Variants in VPS45 observed in about 807,000 individuals in gnomAD.
The protein encoded by VPS45 is vacuolar protein sorting-associated protein 45.
Under a neutral mutation model 75.9 loss-of-function variants are expected in VPS45, and 35 were observed. That is an observed-to-expected ratio of 0.46 (90% CI 0.35 to 0.61). The LOEUF is 0.61. Ranked by LOEUF, VPS45 falls within the 20% of genes least tolerant of loss-of-function variation. VPS45 has a pLI of 0.00. For synonymous variants in VPS45, 220 were observed against 238.2 expected (o/e 0.92, Z 0.70); for missense variants, 559 against 685.9 (o/e 0.81, Z 2.07).
chr1:150,068,937 A>G, intron 2 of VPS45, 173 bp downstream of exon 2: 1 of 660,312 alleles, frequency 1.5e-6, no homozygotes, highest in Non-Finnish European at 2.3e-6. Context: ...ATTTCAGTTG[A>G]CCCCTTACAG....
Position 150,076,226 on chromosome 1 carries a change from G to T in VPS45, c.290-7G>T, listed in dbSNP as rs184114645. Reference sequence around the variant, plus strand: ...CCTTTGAGTCAACCCCAACTCATGTGTTTCAGATTTCAGTAATGTGATCAG... The same window carrying T: ...CCTTTGAGTCAACCCCAACTCATGTTTTTCAGATTTCAGTAATGTGATCAG... On this transcript the variant is annotated splice_region_variant and splice_polypyrimidine_tract_variant and intron_variant, in intron 3 of 14. Coordinates refer to ENST00000644510, the MANE Select transcript of VPS45 (RefSeq NM_007259.5). 1 of 1,597,884 alleles carries T rather than the reference G, an allele frequency of 6.3e-7. No individual in the cohort carries two copies. The highest frequency in any genetic ancestry group is 8.5e-7 in the Non-Finnish European group (1 of 1,170,394).
intron 14 of VPS45, among the ~76,000 whole-genome samples, chr1:150,120,796 GA>G (rs1379952505): frequency 6.6e-6 from 1 of 151,360 alleles, no homozygotes; most frequent in African/African-American, 2.4e-5. Flanking sequence ...ATTTAAAATA[GA>G]AGGCATGTAT....
intron 14 of VPS45, among the ~76,000 whole-genome samples, chr1:150,117,624 C>A (rs968688876): frequency 9.9e-5 from 15 of 151,998 alleles, no homozygotes; most frequent in African/African-American, 3.4e-4. Flanking sequence ...TTTGGGAGAC[C>A]GAAGTGGGCA....
intron 9 of VPS45, among the ~76,000 whole-genome samples, chr1:150,082,471 G>A (rs74668934): frequency 6.2e-5 from 9 of 145,518 alleles, no homozygotes; most frequent in Admixed American, 2.1e-4. Flanking sequence ...CCAAGATCAC[G>A]CCACTACACT....
chr1:150,131,241 G>T (rs1178298902), intron 14 of VPS45, among the ~76,000 whole-genome samples: 1 of 152,194 alleles, frequency 6.6e-6, no homozygotes, highest in Non-Finnish European at 1.5e-5. Flanking sequence ...GGGCATGGTG[G>T]CTCACACTTG....
chr1:150,141,441 G>A (rs1348396472), intron 14 of VPS45, among the ~76,000 whole-genome samples: 2 of 152,094 alleles, frequency 1.3e-5, no homozygotes, highest in Non-Finnish European at 2.9e-5. Flanking sequence ...CTTTGTTTAG[G>A]AATAGAAACA....
At chr1:150,131,676 T>TAAAAA (rs34119963) in intron 14 of VPS45, among the ~76,000 whole-genome samples, 2,919 of 139,236 alleles carry the variant, frequency 0.021, 106 homozygotes, top group African/African-American at 0.061. Flanking sequence ...TTTTTGTCTC[T>TAAAAA]AAAAAAAAAA....
At chr1:150,068,022 T>C in intron 1 of VPS45, 72 bp downstream of exon 1, 3 of 1,432,156 alleles carry the variant, frequency 2.1e-6, no homozygotes, top group African/African-American at 1.4e-5. Context: ...CATTCCACTG[T>C]AGGACTTAGC....
rs908608470 is a variant in VPS45 at position 150,077,705 on chromosome 1, C to T, written c.613C>T (p.Arg205Cys). 6.2e-6 allele frequency: 10 copies of T among 1,613,868 alleles called. No homozygotes were observed. Among genetic ancestry groups the T allele is most frequent in the Non-Finnish European group, 8.5e-6 (10 of 1,179,944 alleles). ...TAAAGAATATGAACTGTTTGAATTCCGTCGGACAGAGGTTCCTCCATTGCT... is the reference window on the plus strand; with the variant it reads ...TAAAGAATATGAACTGTTTGAATTCTGTCGGACAGAGGTTCCTCCATTGCT... ...ITKEYELFEFRRTEVPPLLLI... is the reference protein window; with the variant it reads ...ITKEYELFEFCRTEVPPLLLI... Residue 205 changes from arginine to cysteine, a missense_variant, in exon 7 of 15, where the codon CGT (arginine) becomes TGT (cysteine). By Grantham distance (180) the Arg-to-Cys change is radical. Transcript: ENST00000644510.
intron 3 of VPS45, among the ~76,000 whole-genome samples, chr1:150,075,968 G>A (rs1553797966): frequency 6.6e-6 from 1 of 151,326 alleles, no homozygotes; most frequent in Non-Finnish European, 1.5e-5. Flanking sequence ...TAGCCAGGAT[G>A]GTCTCGATCT....
At position 150,098,881 on chromosome 1, in the gene VPS45, A is replaced by G. The variant is rs782379869; in HGVS notation, c.1493+5233A>G. On this transcript the variant is annotated intron_variant, in intron 13 of 14. Transcript: ENST00000644510. The stretch of plus-strand genomic sequence containing the variant: ...CTCTTGTCTCTGATAAAGGCAAGCA[A>G]CTTTTTCATTTGGTGAGGAAATGGA... The G allele has an allele frequency of 5.7e-5, 73 of 1,273,092 alleles. No homozygotes were observed. The South Asian group carries it at 9.3e-4, about 16-fold the overall frequency. 78.9% of individuals were successfully genotyped at this position (1,273,092 alleles called of 1,614,324 possible). A position where few individuals can be genotyped will look rare whatever the true frequency, so the allele number is the denominator to read the frequency against.
chr1:150,070,439 A>G (rs1654989504), intron 2 of VPS45, among the ~76,000 whole-genome samples: 2 of 152,066 alleles, frequency 1.3e-5, no homozygotes. Context: ...TTATTTCCTA[A>G]TGTTTTTTAT....
chr1:150,071,787 C>CAAAAAAAA (rs58767428), intron 2 of VPS45, among the ~76,000 whole-genome samples: 1 of 134,580 alleles, frequency 7.4e-6, no homozygotes, highest in East Asian at 2.1e-4. Flanking sequence ...GACTTAATCT[C>CAAAAAAAA]AAAAAAAAAA....
At position 150,144,715 on chromosome 1, in the gene VPS45, A is replaced by G. The variant is rs201527417; in HGVS notation, c.1632A>G (p.Leu544=). The G allele has an allele frequency of 6.2e-7, 1 of 1,611,760 alleles. No individual in the cohort carries two copies. The highest frequency in any genetic ancestry group is 2.2e-5 in the East Asian group (1 of 44,840). Residue 544 remains leucine (L), a synonymous_variant, in exon 15 of 15, where the codon CTA becomes CTG. Transcript: ENST00000644510. ...ACCTCAAACTACTTATCAGTTTCCTAGAGGAAGTTCTGGCTTCTGGACTGC... is the reference window on the plus strand; with the variant it reads ...ACCTCAAACTACTTATCAGTTTCCTGGAGGAAGTTCTGGCTTCTGGACTGC... ...GTTVHNTKSF[L]EEVLASGLHS...
At chr1:150,098,721 C>T in intron 13 of VPS45, 2 of 357,350 alleles carry the variant, frequency 5.6e-6, no homozygotes, top group Non-Finnish European at 8.4e-6. Context: ...TTTTTTTAGC[C>T]CTTAGCTGTT....
intron 14 of VPS45, among the ~76,000 whole-genome samples, chr1:150,124,506 A>C (rs1178603942): frequency 6.6e-6 from 1 of 150,586 alleles, no homozygotes; most frequent in East Asian, 1.9e-4. Context: ...ATAATACCAC[A>C]GCTCAGAGCT....
intron 9 of VPS45, 48 bp downstream of exon 9, chr1:150,082,045 T>G: frequency 6.5e-6 from 8 of 1,225,038 alleles, no homozygotes; most frequent in African/African-American, 1.5e-5. Flanking sequence ...AGTTTGGTAC[T>G]ATTCATGTAA....
chr1:150,144,595 C>G, intron 14 of VPS45, 114 bp from the exon 15 acceptor site: 2 of 881,178 alleles, frequency 2.3e-6, no homozygotes, highest in South Asian at 1.8e-5. Context: ...AGACCAGTAC[C>G]TCCTGCCTAC....
At chr1:150,077,264 TA>T (rs1407991585) in intron 6 of VPS45, 33 bp downstream of exon 6, 1 of 1,593,986 alleles carries the variant, frequency 6.3e-7, no homozygotes, top group Non-Finnish European at 8.5e-7. Flanking sequence ...TTCCAAAACA[TA>T]AAGGCCATTC....
Sources: gnomAD v4.1 joint callset for allele counts (sites outside exome capture counted in the v4.1 genomes callset) on GRCh38, gnomAD v4.1.1 for gene constraint, MANE v1.5 for transcripts, NCBI Gene and HGNC (gene_info 2026-07-23, HGNC 2026-07-21) for gene names.